The following SCAPER variants were observed in gnomAD, a reference collection of about 807,000 sequenced individuals.
SCAPER encodes the protein S phase cyclin A-associated protein in the endoplasmic reticulum.
A neutral mutation model predicts 182.2 loss-of-function variants in SCAPER; 98 were observed. The observed-to-expected ratio is 0.54, with a 90% CI of 0.46 to 0.64. The LOEUF is 0.64. Among genes scored for constraint, SCAPER ranks in the 30% least tolerant of loss-of-function variants. The probability of loss-of-function intolerance (pLI) is 0.00; values close to 1 mark genes in which losing one functional copy is unlikely to be tolerated. For missense variants in SCAPER, 1,432 were observed against 1,690.0 expected, an observed-to-expected ratio of 0.85 and a Z score of 2.68; for synonymous variants, 605 against 564.6, an observed-to-expected ratio of 1.07 and a Z score of -1.01.
chr15:76,688,731 C>T (rs2058174381), intron 20 of SCAPER, among the ~76,000 whole-genome samples: 1 of 151,344 alleles, frequency 6.6e-6, no homozygotes, highest in African/African-American at 2.4e-5. Context: ...TGTCTAAGAT[C>T]GGATGGTTGT....
intron 27 of SCAPER, among the ~76,000 whole-genome samples, chr15:76,386,197 A>G (rs2043277047): frequency 6.6e-6 from 1 of 152,202 alleles, no homozygotes; most frequent in African/African-American, 2.4e-5. Context: ...ATTACCCTGA[A>G]TTATCCAGAA....
chr15:76,719,329 T>G (rs1486471806), intron 17 of SCAPER, among the ~76,000 whole-genome samples: 2 of 152,014 alleles, frequency 1.3e-5, no homozygotes, highest in Non-Finnish European at 2.9e-5. Context: ...TGTGAAATCT[T>G]AAAAAAAATT....
chr15:76,466,629 C>A (rs181282777), intron 25 of SCAPER, among the ~76,000 whole-genome samples: 2 of 151,214 alleles, frequency 1.3e-5, no homozygotes, highest in Non-Finnish European at 1.5e-5. Context: ...GTTTCTTCTA[C>A]GTCTCGAAAG....
chr15:76,720,298 T>C lies in SCAPER; in HGVS notation c.2165+8297A>G, dbSNP rs8028181. On this transcript the variant is annotated intron_variant, in intron 17 of 31. Transcript: ENST00000563290. ...GCTGCATAGTATTCCATGGTGTATA[T>C]GTGCCACATTTTCTTAATCCAGTCT... Among the ~76,000 whole-genome samples, 951 of 152,232 alleles carry C rather than the reference T, an allele frequency of 6.2e-3. 8 individuals carry two copies. Among genetic ancestry groups the C allele is most frequent in the African/African-American group, 0.022 (897 of 41,548 alleles).
At chr15:76,691,713 C>T (rs2058370209) in intron 20 of SCAPER, among the ~76,000 whole-genome samples, 1 of 152,142 alleles carries the variant, frequency 6.6e-6, no homozygotes, top group African/African-American at 2.4e-5. Context: ...GAGATTCTCA[C>T]TAACCCAAAT....
chr15:76,741,714 T>C (rs1298458158), intron 15 of SCAPER, among the ~76,000 whole-genome samples: 2 of 152,002 alleles, frequency 1.3e-5, no homozygotes, highest in Admixed American at 6.6e-5. Flanking sequence ...AAAAGTGAAA[T>C]GAAGTAAATG....
At chr15:76,802,000 G>A (rs1464862145) in intron 6 of SCAPER, among the ~76,000 whole-genome samples, 1 of 151,774 alleles carries the variant, frequency 6.6e-6, no homozygotes, top group Non-Finnish European at 1.5e-5. Context: ...CTTGGGTTTG[G>A]CTTATGTAAC....
intron 23 of SCAPER, among the ~76,000 whole-genome samples, chr15:76,529,086 C>T (rs577939531): frequency 9.2e-5 from 14 of 152,270 alleles, no homozygotes; most frequent in Middle Eastern, 3.4e-3. Context: ...CTCTGCTGCC[C>T]ATGGGGGAGT....
chr15:76,568,502 CCCA>C (rs2047205845), intron 23 of SCAPER, among the ~76,000 whole-genome samples: 1 of 151,898 alleles, frequency 6.6e-6, no homozygotes, highest in Admixed American at 6.6e-5. Flanking sequence ...ATTACAGGTG[CCCA>C]CCACCACACC....
rs183280384 is a variant in SCAPER, at chr15:76,690,501, C to A, written c.2508+11257G>T. Among the ~76,000 whole-genome samples the A allele has an allele frequency of 2.1e-3, 324 of 152,138 alleles. 2 individuals are homozygous for A. Among genetic ancestry groups the A allele is most frequent in the African/African-American group, 7.2e-3 (300 of 41,526 alleles). ...AATACTAATGAAATCCAAATAAAGT[C>A]TGGTGTTTAGTTATATTAATGTACC... On this transcript the variant is annotated intron_variant, in intron 20 of 31. Transcript: ENST00000563290.
At chr15:76,738,082 G>C (rs1284977114) in intron 15 of SCAPER, among the ~76,000 whole-genome samples, 1 of 152,054 alleles carries the variant, frequency 6.6e-6, no homozygotes, top group Non-Finnish European at 1.5e-5. Context: ...CTTTTCCTTT[G>C]CATTTACAAC....
At chr15:76,649,699 C>A (rs1406983525) in intron 21 of SCAPER, among the ~76,000 whole-genome samples, 5 of 132,984 alleles carry the variant, frequency 3.8e-5, no homozygotes, top group Non-Finnish European at 8.3e-5. Flanking sequence ...CAACCAAAGC[C>A]ATTAAAAAAA....
At chr15:76,539,484 C>T (rs1448881878) in intron 23 of SCAPER, among the ~76,000 whole-genome samples, 6 of 151,790 alleles carry the variant, frequency 4.0e-5, no homozygotes, top group Admixed American at 3.9e-4. Context: ...CCAACCAACT[C>T]CTGATCCAAA....
rs774672151 is a variant in SCAPER at position 76,357,188 on chromosome 15, A to ACACACACACACACACACACACC, written c.3856-3049_3856-3048insGGTGTGTGTGTGTGTGTGTGTG. Among the ~76,000 whole-genome samples, 5 of 149,186 alleles carry ACACACACACACACACACACACC rather than the reference A, an allele frequency of 3.4e-5. No individual in the cohort carries two copies. The East Asian group carries it at 7.9e-4, about 23-fold the overall frequency. ...CACACACACACACACACACACACAC[A>ACACACACACACACACACACACC]CCCCTATGGCCACTCACCTACCTCG... is the stretch of plus-strand genomic sequence containing the variant. On this transcript the variant is annotated intron_variant, in intron 29 of 31. Coordinates refer to ENST00000563290, the MANE Select transcript of SCAPER (RefSeq NM_020843.4).
chr15:76,425,532 G>A (rs1302867713), intron 26 of SCAPER, among the ~76,000 whole-genome samples: 1 of 152,090 alleles, frequency 6.6e-6, no homozygotes, highest in African/African-American at 2.4e-5. Context: ...CTTTTTTCAA[G>A]GTTTTTCGCT....
intron 22 of SCAPER, among the ~76,000 whole-genome samples, chr15:76,606,032 A>G (rs939697525): frequency 6.6e-6 from 1 of 151,976 alleles, no homozygotes; most frequent in Non-Finnish European, 1.5e-5. Context: ...CAGTTCTGCA[A>G]TGATCTTAGT....
At chr15:76,761,024 T>C (rs2062750740) in intron 14 of SCAPER, among the ~76,000 whole-genome samples, 1 of 152,312 alleles carries the variant, frequency 6.6e-6, no homozygotes, top group East Asian at 1.9e-4. Flanking sequence ...ACTGATTCAA[T>C]CTCTGTATTT....
intron 21 of SCAPER, among the ~76,000 whole-genome samples, chr15:76,636,871 T>C (rs1017246986): frequency 2.0e-5 from 3 of 152,162 alleles, no homozygotes; most frequent in African/African-American, 7.2e-5. Context: ...ACTTTGGTGG[T>C]TCCCTACCAT....
chr15:76,809,186 C>A (rs980708336), intron 5 of SCAPER, among the ~76,000 whole-genome samples: 1 of 152,110 alleles, frequency 6.6e-6, no homozygotes, highest in Non-Finnish European at 1.5e-5. Context: ...AAGGCAGTTG[C>A]CTCACCTAAT....
Sources: allele counts gnomAD v4.1 joint callset (sites outside exome capture counted in the v4.1 genomes callset), GRCh38; gene constraint gnomAD v4.1.1; transcripts MANE v1.5; gene names NCBI Gene and HGNC (gene_info 2026-07-23, HGNC 2026-07-21).